Variants in TMEM71 observed in about 807,000 individuals in gnomAD.
TMEM71 encodes the protein transmembrane protein 71.
A neutral mutation model predicts 38.0 loss-of-function variants in TMEM71; 44 were observed. That is an observed-to-expected ratio of 1.16 (90% CI 0.91 to 1.49). The LOEUF is 1.49. TMEM71 is among the 40% of genes most tolerant of loss of function. The pLI, the probability that TMEM71 is intolerant of heterozygous loss-of-function variation, is 0.00. For synonymous variants in TMEM71, 133 were observed against 122.5 expected, an observed-to-expected ratio of 1.09 and a Z score of -0.56; for missense variants, 367 against 348.6, an observed-to-expected ratio of 1.05 and a Z score of -0.42.
intron 6 of TMEM71, 86 bp from the exon 7 acceptor site, chr8:132,722,201 G>C: frequency 2.3e-6 from 2 of 875,960 alleles, no homozygotes; most frequent in Non-Finnish European, 3.4e-6. Flanking sequence ...AACTTCCCTT[G>C]TACCCACCAA....
chr8:132,770,796 A>G, the TMEM71 span, among the ~76,000 whole-genome samples: 1 of 152,202 alleles, frequency 6.6e-6, no homozygotes, highest in African/African-American at 2.4e-5. Context: ...GTACGTATGA[A>G]TTGTTTAGGG....
upstream of TMEM71, among the ~76,000 whole-genome samples, chr8:132,764,253 G>A (rs536831412): frequency 1.3e-5 from 2 of 151,682 alleles, no homozygotes; most frequent in African/African-American, 4.8e-5. Context: ...CTATCAATAA[G>A]GTACATTACA....
chr8:132,752,028 C>A (rs1586804986), intron 3 of TMEM71, 31 bp from the exon 4 acceptor site: 1 of 1,576,264 alleles, frequency 6.3e-7, no homozygotes, highest in East Asian at 2.2e-5. Context: ...CACTTTAAAT[C>A]TCTATTCAGT....
intron 6 of TMEM71, 27 bp downstream of exon 6, chr8:132,727,771 G>T: frequency 1.3e-6 from 2 of 1,542,788 alleles, no homozygotes; most frequent in Non-Finnish European, 1.8e-6. Context: ...TTTGGGTGTG[G>T]CAAATATTTA....
intron 7 of TMEM71, among the ~76,000 whole-genome samples, chr8:132,717,825 A>C (rs1421437759): frequency 1.3e-5 from 2 of 152,234 alleles, no homozygotes; most frequent in Non-Finnish European, 2.9e-5. Context: ...CATAATGGTC[A>C]AATGGGGAAA....
At chr8:132,769,547 A>G in the TMEM71 span, among the ~76,000 whole-genome samples, 1 of 152,176 alleles carries the variant, frequency 6.6e-6, no homozygotes, top group Non-Finnish European at 1.5e-5. Flanking sequence ...CTAATCCCCA[A>G]TGCAATGGTA....
intron 6 of TMEM71, among the ~76,000 whole-genome samples, chr8:132,726,279 C>G (rs1347824376): frequency 6.6e-6 from 1 of 151,676 alleles, no homozygotes; most frequent in Admixed American, 6.6e-5. Context: ...CAAAAAAAAC[C>G]CTTGAACACT....
At chr8:132,713,704 T>C (rs566049961) in intron 9 of TMEM71, among the ~76,000 whole-genome samples, 22 of 152,328 alleles carry the variant, frequency 1.4e-4, no homozygotes, top group African/African-American at 5.1e-4. Flanking sequence ...GATGAGGTAT[T>C]TATAAAGTGT....
intron 4 of TMEM71, among the ~76,000 whole-genome samples, chr8:132,749,269 T>C (rs1480733359): frequency 6.6e-6 from 1 of 152,144 alleles, no homozygotes; most frequent in Non-Finnish European, 1.5e-5. Context: ...CAGGAGGTGA[T>C]GGTGGCCTGA....
At chr8:132,714,646 T>C (rs1002433145) in intron 7 of TMEM71, among the ~76,000 whole-genome samples, 1 of 152,196 alleles carries the variant, frequency 6.6e-6, no homozygotes, top group South Asian at 2.1e-4. Context: ...TGACCTTGCA[T>C]TTGGCAATGA....
intron 7 of TMEM71, among the ~76,000 whole-genome samples, chr8:132,718,208 T>C (rs1027917721): frequency 6.6e-6 from 1 of 152,156 alleles, no homozygotes; most frequent in Non-Finnish European, 1.5e-5. Flanking sequence ...CCACTAAAGG[T>C]GCACTTAAAA....
chr8:132,740,162 C>T (rs886093292), intron 5 of TMEM71, among the ~76,000 whole-genome samples: 1 of 152,156 alleles, frequency 6.6e-6, no homozygotes, highest in Admixed American at 6.5e-5. Context: ...CACTTGCATT[C>T]CTGACACACC....
At chr8:132,761,323 T>C (rs1219454454), upstream of TMEM71, among the ~76,000 whole-genome samples, 1 of 152,206 alleles carries the variant, frequency 6.6e-6, no homozygotes, top group Non-Finnish European at 1.5e-5. Context: ...CCCTCTGAGT[T>C]GCAGTTTTCT....
intron 3 of TMEM71, 63 bp downstream of exon 3, chr8:132,757,171 C>T: frequency 8.1e-7 from 1 of 1,237,254 alleles, no homozygotes; most frequent in Non-Finnish European, 1.2e-6. Context: ...GCTGGGATTA[C>T]AGGCATGAGC....
At chr8:132,772,406 G>A in the TMEM71 span, among the ~76,000 whole-genome samples, 1 of 152,196 alleles carries the variant, frequency 6.6e-6, no homozygotes, top group African/African-American at 2.4e-5. Flanking sequence ...ATCTGGAACA[G>A]GGTGTGCTGG....
chr8:132,765,619 C>T (rs1829354272), upstream of TMEM71, among the ~76,000 whole-genome samples: 1 of 152,146 alleles, frequency 6.6e-6, no homozygotes, highest in Non-Finnish European at 1.5e-5. Context: ...ATTTCAGGCT[C>T]AGCACCCCTC....
At position 132,725,103 on chromosome 8, in the gene TMEM71, T is replaced by A. The variant is rs146643893; in HGVS notation, c.676+2695A>T. Among the ~76,000 whole-genome samples, 842 of 151,822 alleles carry A rather than the reference T, an allele frequency of 5.5e-3. 10 individuals carry two copies. Among genetic ancestry groups the A allele is most frequent in the African/African-American group, 0.017 (721 of 41,364 alleles). On this transcript the variant is annotated intron_variant, in intron 6 of 9. Coordinates refer to ENST00000677595, the MANE Select transcript of TMEM71 (RefSeq NM_001382403.1). ...TCCCAGGCTGCAGTGCAGTGCATGA[T>A]CTTGGCTCACTGCAGCCTTGACTTC...
intron 5 of TMEM71, among the ~76,000 whole-genome samples, chr8:132,741,293 A>T (rs4736606): frequency 0.7 from 106,554 of 151,912 alleles, 37,763 homozygotes; most frequent in South Asian, 0.79. Context: ...AACCAGGGAG[A>T]CGGAGGTTGC....
At chr8:132,756,212 G>A (rs1828994112) in intron 3 of TMEM71, among the ~76,000 whole-genome samples, 1 of 151,678 alleles carries the variant, frequency 6.6e-6, no homozygotes, top group Non-Finnish European at 1.5e-5. Flanking sequence ...CAAGAAAATG[G>A]TAGACTGCAC....
Sources: allele counts gnomAD v4.1 joint callset (sites outside exome capture counted in the v4.1 genomes callset), GRCh38; gene constraint gnomAD v4.1.1; transcripts MANE v1.5; gene names NCBI Gene and HGNC (gene_info 2026-07-23, HGNC 2026-07-21).